Variants in SLIT2 observed in about 807,000 individuals in gnomAD.
SLIT2 encodes slit guidance ligand 2.
Under a neutral mutation model 185.7 loss-of-function variants are expected in SLIT2, and 41 were observed. The observed-to-expected ratio is 0.22, with a 90% CI of 0.17 to 0.29. The LOEUF (loss-of-function observed/expected upper bound fraction) is 0.29, where lower values mean the gene tolerates loss of function less well. Among genes scored for constraint, SLIT2 ranks in the 10% least tolerant of loss-of-function variants. The pLI, the probability that SLIT2 is intolerant of heterozygous loss-of-function variation, is 1.00. For synonymous variants in SLIT2, 693 were observed against 680.2 expected, an observed-to-expected ratio of 1.02 and a Z score of -0.29; for missense variants, 1,571 against 1,909.0, an observed-to-expected ratio of 0.82 and a Z score of 3.30.
chr4:20,270,711 T>A (rs534786729), intron 4 of SLIT2, among the ~76,000 whole-genome samples: 91 of 152,094 alleles, frequency 6.0e-4, no homozygotes, highest in African/African-American at 2.1e-3. Context: ...ATTTTTATGT[T>A]TCAGGAGTTA....
intron 4 of SLIT2, among the ~76,000 whole-genome samples, chr4:20,443,606 A>G (rs1028649291): frequency 2.0e-5 from 3 of 151,416 alleles, no homozygotes; most frequent in African/African-American, 7.3e-5. Flanking sequence ...AAAAAAAAAA[A>G]AAAGAGTAAT....
chr4:20,609,930 G>A (rs909662287), intron 33 of SLIT2, 83 bp from the exon 34 acceptor site: 44 of 1,283,292 alleles, frequency 3.4e-5, no homozygotes, highest in African/African-American at 9.1e-5. Context: ...TTCCCAAGGA[G>A]CACTTATCAA....
At chr4:20,483,702 T>C (rs115180145) in intron 6 of SLIT2, among the ~76,000 whole-genome samples, 3,605 of 152,172 alleles carry the variant, frequency 0.024, 49 homozygotes, top group African/African-American at 0.031. Flanking sequence ...TCCATGATTA[T>C]ACAGGCTAAT....
chr4:20,255,869 A>G (rs1179767679), intron 1 of SLIT2, among the ~76,000 whole-genome samples: 2 of 152,214 alleles, frequency 1.3e-5, no homozygotes, highest in African/African-American at 2.4e-5. Flanking sequence ...GCTTACTTCT[A>G]TGAAGAGCAT....
At chr4:20,267,320 C>T (rs1246624201) in intron 3 of SLIT2, among the ~76,000 whole-genome samples, 2 of 151,834 alleles carry the variant, frequency 1.3e-5, no homozygotes, top group South Asian at 2.1e-4. Context: ...GAAGTAAATT[C>T]ACTCCTTTAC....
At chr4:20,399,708 T>C (rs1307671035) in intron 4 of SLIT2, among the ~76,000 whole-genome samples, 6 of 151,704 alleles carry the variant, frequency 4.0e-5, no homozygotes, top group South Asian at 2.1e-4. Context: ...TATCAAACAA[T>C]TAATTGCTAC....
At chr4:20,265,935 A>T (rs1712990586) in intron 3 of SLIT2, among the ~76,000 whole-genome samples, 1 of 151,890 alleles carries the variant, frequency 6.6e-6, no homozygotes, top group South Asian at 2.1e-4. Context: ...TTTTAGTGTC[A>T]TACCACCTTT....
intron 26 of SLIT2, among the ~76,000 whole-genome samples, chr4:20,566,112 G>T (rs576568226): frequency 6.6e-6 from 1 of 152,116 alleles, no homozygotes; most frequent in East Asian, 1.9e-4. Flanking sequence ...TAGCTTTTTG[G>T]TGAAGGCACC....
chr4:20,513,021 T>G (rs532147310), intron 11 of SLIT2, among the ~76,000 whole-genome samples: 72 of 152,236 alleles, frequency 4.7e-4, no homozygotes, highest in Non-Finnish European at 9.6e-4. Context: ...TGATTATAAA[T>G]TATGTAATCT....
chr4:20,473,308 T>C (rs1021395485), intron 5 of SLIT2, among the ~76,000 whole-genome samples: 8 of 152,136 alleles, frequency 5.3e-5, no homozygotes, highest in African/African-American at 1.9e-4. Context: ...TTAAAAAATA[T>C]GTTGGGGAAA....
At chr4:20,393,233 A>G (rs1225369095) in intron 4 of SLIT2, 1 of 152,064 alleles carries the variant, frequency 6.6e-6, no homozygotes, top group Non-Finnish European at 1.5e-5. Flanking sequence ...AAAGATACAT[A>G]TGAGAACTTT....
rs563866305 is a variant in SLIT2, at chr4:20,578,291, T to C, written c.3088+9287T>C. On this transcript the variant is annotated intron_variant, in intron 29 of 36. Transcript: ENST00000504154. Reference sequence around the variant, plus strand: ...AGGTATCCCATGCCCTCAAGTAGTGTACTTTTAAGAAACTAAATCATATTT... The same window carrying C: ...AGGTATCCCATGCCCTCAAGTAGTGCACTTTTAAGAAACTAAATCATATTT... Among the ~76,000 whole-genome samples the C allele has an allele frequency of 1.7e-4, 26 of 152,344 alleles. 1 individual carries two copies. The South Asian group carries it at 5.4e-3, about 32-fold the overall frequency.
intron 8 of SLIT2, among the ~76,000 whole-genome samples, chr4:20,491,439 G>T (rs1375590024): frequency 6.6e-6 from 1 of 152,130 alleles, no homozygotes; most frequent in Non-Finnish European, 1.5e-5. Flanking sequence ...GTCTGAAGTT[G>T]CTGGGCTTTT....
chr4:20,373,570 A>T (rs974175019), intron 4 of SLIT2, among the ~76,000 whole-genome samples: 2 of 152,078 alleles, frequency 1.3e-5, no homozygotes, highest in Non-Finnish European at 2.9e-5. Context: ...TAATATGCAC[A>T]TGTATATGTG....
chr4:20,433,696 A>G (rs1729146793), intron 4 of SLIT2, among the ~76,000 whole-genome samples: 1 of 152,216 alleles, frequency 6.6e-6, no homozygotes, highest in South Asian at 2.1e-4. Flanking sequence ...CCCTGAACAA[A>G]GGTGCCCAAC....
intron 4 of SLIT2, among the ~76,000 whole-genome samples, chr4:20,375,086 G>A (rs1723915608): frequency 6.6e-6 from 1 of 152,094 alleles, no homozygotes; most frequent in Non-Finnish European, 1.5e-5. Flanking sequence ...ATGTGTATAA[G>A]TGGATTTTAA....
chr4:20,385,038 G>A (rs1324040146), intron 4 of SLIT2, among the ~76,000 whole-genome samples: 2 of 152,030 alleles, frequency 1.3e-5, no homozygotes, highest in African/African-American at 2.4e-5. Flanking sequence ...ACTTTCTGAC[G>A]ATCTCTTCTT....
At chr4:20,487,289 G>T (rs1220974413) in intron 7 of SLIT2, among the ~76,000 whole-genome samples, 1 of 151,858 alleles carries the variant, frequency 6.6e-6, no homozygotes, top group Non-Finnish European at 1.5e-5. Context: ...GCATTCTTGG[G>T]GCTATCAGAA....
intron 4 of SLIT2, among the ~76,000 whole-genome samples, chr4:20,317,363 A>C (rs1718695049): frequency 6.6e-6 from 1 of 152,076 alleles, no homozygotes; most frequent in South Asian, 2.1e-4. Context: ...GTACCAAAGC[A>C]TTCAATCTTT....
Sources: gnomAD v4.1 joint callset for allele counts (sites outside exome capture counted in the v4.1 genomes callset) on GRCh38, gnomAD v4.1.1 for gene constraint, MANE v1.5 for transcripts, NCBI Gene and HGNC (gene_info 2026-07-23, HGNC 2026-07-21) for gene names.